The following BCO1 variants were observed in gnomAD, a reference collection of about 807,000 sequenced individuals.
BCO1 encodes the protein beta-carotene oxygenase 1.
Under a neutral mutation model 56.3 loss-of-function variants are expected in BCO1, and 54 were observed. That is an observed-to-expected ratio of 0.96 (90% CI 0.77 to 1.20). The LOEUF (loss-of-function observed/expected upper bound fraction) is 1.20, where lower values mean the gene tolerates loss of function less well. BCO1 is among the 50% of genes most tolerant of loss of function. The pLI, the probability that BCO1 is intolerant of heterozygous loss-of-function variation, is 0.00. For missense variants in BCO1, 801 were observed against 690.9 expected, an observed-to-expected ratio of 1.16 and a Z score of -1.79; for synonymous variants, 318 against 266.1, an observed-to-expected ratio of 1.20 and a Z score of -1.90.
chr16:81,245,478 A>C lies in BCO1; in HGVS notation c.68A>C (p.Lys23Thr). The change falls in exon 2 of 11, where the codon AAG becomes ACG. Residue 23 changes from lysine (K) to threonine (T), a missense_variant. Coordinates refer to ENST00000258168, the MANE Select transcript of BCO1 (RefSeq NM_017429.3). Reference sequence around the variant, plus strand: ...TAAACATTCTCTCTTTTCTCAGGCAAGATTCCAGCATGGCTGCAGGGAACC... The same window carrying C: ...TAAACATTCTCTCTTTTCTCAGGCACGATTCCAGCATGGCTGCAGGGAACC... Reference protein sequence around the residue: ...LEPVRAKVTGKIPAWLQGTLL... With the variant: ...LEPVRAKVTGTIPAWLQGTLL... The C allele has an allele frequency of 6.2e-7, 1 of 1,614,240 alleles. No individual in the cohort carries two copies. Among genetic ancestry groups the C allele is most frequent in the South Asian group, 1.1e-5 (1 of 91,088 alleles).
At chr16:81,259,904 T>G in intron 3 of BCO1, 99 bp downstream of exon 3, 1 of 1,498,870 alleles carries the variant, frequency 6.7e-7, no homozygotes, top group Non-Finnish European at 9.3e-7. Flanking sequence ...CTCTTTAGGG[T>G]AGATGAAAAC....
At position 81,268,095 on chromosome 16, in the gene BCO1, C is replaced by G; in HGVS notation, c.807C>G (p.Ser269Arg). ...KMATAYIRRMSWASCLAFHRE... is the reference protein window; with the variant it reads ...KMATAYIRRMRWASCLAFHRE... The stretch of plus-strand genomic sequence containing the variant: ...CAACCGCATACATCCGGAGAATGAG[C>G]TGGGCCTCCTGCCTGGCTTTCCACA... The change falls in exon 6 of 11, where the codon AGC becomes AGG. Residue 269 changes from serine (S) to arginine (R), a missense_variant. Ser to Arg is a moderately radical substitution (Grantham distance 110). Transcript: ENST00000258168. 1 of 1,611,244 alleles carries G rather than the reference C, an allele frequency of 6.2e-7. No homozygotes were observed.
Position 81,270,400 on chromosome 16 carries a change from C to A in BCO1, c.1085C>A (p.Pro362His). The change falls in exon 7 of 11, where the codon CCC becomes CAC. Residue 362 changes from proline to histidine, a missense_variant. Physicochemically the swap from Pro to His is moderately conservative, Grantham distance 77 (BLOSUM62 -2). Transcript: ENST00000258168. Reference protein sequence around the residue: ...SVPTLRRFAVPLHVDKNAEVG... With the variant: ...SVPTLRRFAVHLHVDKNAEVG... ...CCCACCCTCAGGAGGTTTGCCGTGC[C>A]CCTCCACGTGGACAAGGTAATGGCT... 6.2e-7 allele frequency: 1 copy of A among 1,614,050 alleles called. No individual in the cohort carries two copies. The highest frequency in any genetic ancestry group is 8.5e-7 in the Non-Finnish European group (1 of 1,180,024).
intron 2 of BCO1, among the ~76,000 whole-genome samples, chr16:81,250,778 G>T (rs897641829): frequency 6.6e-6 from 1 of 151,786 alleles, no homozygotes; most frequent in Non-Finnish European, 1.5e-5. Flanking sequence ...ATAGGGTCTC[G>T]CCATGTTGGC....
intron 7 of BCO1, among the ~76,000 whole-genome samples, chr16:81,270,719 T>TGTGTGTGTGTGTGA (rs1567458013): frequency 1.3e-5 from 2 of 151,608 alleles, no homozygotes; most frequent in Non-Finnish European, 2.9e-5. Flanking sequence ...TGTGTGTGTG[T>TGTGTGTGTGTGTGA]GAATCTTCAT....
rs1906930275 is a variant in BCO1, at chr16:81,267,925, A to G, written c.637A>G (p.Lys213Glu). The change falls in exon 6 of 11, where the codon AAG becomes GAG. Residue 213 changes from lysine (K) to glutamate (E), a missense_variant. Transcript: ENST00000258168. ...CTTGCTAGAGGGCAAGAAGCAGGGGAAGAGCCCCTGGAAGCACACAGAGGT... is the reference window on the plus strand; with the variant it reads ...CTTGCTAGAGGGCAAGAAGCAGGGGGAGAGCCCCTGGAAGCACACAGAGGT... Reference protein sequence around the residue: ...ATVPEGKKQGKSPWKHTEVFC... With the variant: ...ATVPEGKKQGESPWKHTEVFC... The G allele has an allele frequency of 1.2e-6, 2 of 1,613,610 alleles. No homozygotes were observed. The highest frequency in any genetic ancestry group is 8.5e-7 in the Non-Finnish European group (1 of 1,179,918).
intron 10 of BCO1, 136 bp from the exon 11 acceptor site, chr16:81,290,212 C>G: frequency 2.5e-6 from 2 of 796,652 alleles, no homozygotes. Flanking sequence ...CCTTCTGTTA[C>G]AGTGTCTCAA....
At chr16:81,273,086 C>A (rs560273125) in intron 7 of BCO1, among the ~76,000 whole-genome samples, 2 of 152,268 alleles carry the variant, frequency 1.3e-5, no homozygotes, top group African/African-American at 2.4e-5. Context: ...TCTCCTGTCT[C>A]AGTTTCCCAA....
intron 7 of BCO1, among the ~76,000 whole-genome samples, chr16:81,270,686 C>CTGTGTGTGTGTG (rs762227797): frequency 6.8e-4 from 20 of 29,566 alleles, no homozygotes; most frequent in Non-Finnish European, 1.3e-3. Context: ...GTCTCTCTCT[C>CTGTGTGTGTGTG]TGTGTCTGTG....
At chr16:81,277,993 A>G (rs1907655479) in intron 7 of BCO1, among the ~76,000 whole-genome samples, 1 of 152,140 alleles carries the variant, frequency 6.6e-6, no homozygotes, top group African/African-American at 2.4e-5. Context: ...AGGGCCTCCC[A>G]CCAGCTTGCA....
intron 2 of BCO1, among the ~76,000 whole-genome samples, chr16:81,258,048 G>C (rs139869079): frequency 3.9e-5 from 6 of 152,244 alleles, no homozygotes; most frequent in Non-Finnish European, 8.8e-5. Flanking sequence ...AGGGGTCACA[G>C]TGACGCAGCC....
At chr16:81,277,137 G>A (rs142594670) in intron 7 of BCO1, among the ~76,000 whole-genome samples, 77 of 151,766 alleles carry the variant, frequency 5.1e-4, no homozygotes, top group Admixed American at 9.2e-4. Context: ...AGCGATTGCC[G>A]TTTGGGACAG....
rs1423696653 is a variant in BCO1 at position 81,267,942 on chromosome 16, C to T, written c.654C>T (p.His218=). The T allele has an allele frequency of 6.2e-6, 10 of 1,613,984 alleles. No homozygotes were observed. Among genetic ancestry groups the T allele is most frequent in the Non-Finnish European group, 8.5e-6 (10 of 1,180,018 alleles). Residue 218 remains histidine, a synonymous_variant, in exon 6 of 11, where the codon CAC becomes CAT. Coordinates refer to ENST00000258168, the MANE Select transcript of BCO1 (RefSeq NM_017429.3). The part of the protein sequence containing the change: ...GKKQGKSPWK[H]TEVFCSIPSR... ...AGCAGGGGAAGAGCCCCTGGAAGCA[C>T]ACAGAGGTGTTCTGCTCCATCCCAT...
intron 8 of BCO1, among the ~76,000 whole-genome samples, chr16:81,281,874 C>T (rs1907902895): frequency 6.6e-6 from 1 of 152,250 alleles, no homozygotes; most frequent in African/African-American, 2.4e-5. Context: ...ACATTGCCAG[C>T]ATCTCATGGG....
chr16:81,269,255 CTG>C (rs1258712252), intron 6 of BCO1, among the ~76,000 whole-genome samples: 1 of 151,120 alleles, frequency 6.6e-6, no homozygotes, highest in Non-Finnish European at 1.5e-5. Context: ...CCCACTGACA[CTG>C]TGTTACTCCA....
intron 7 of BCO1, among the ~76,000 whole-genome samples, chr16:81,273,034 ATC>A (rs1294152858): frequency 6.6e-6 from 1 of 151,954 alleles, no homozygotes; most frequent in African/African-American, 2.4e-5. Flanking sequence ...CAGTGGTTTA[ATC>A]TCGGCTCACT....
intron 8 of BCO1, among the ~76,000 whole-genome samples, chr16:81,283,326 A>G (rs1244407951): frequency 6.6e-6 from 1 of 152,026 alleles, no homozygotes; most frequent in Non-Finnish European, 1.5e-5. Context: ...GGCATTACTC[A>G]TGCCTGTAAT....
At chr16:81,252,492 G>T (rs1905869452) in intron 2 of BCO1, among the ~76,000 whole-genome samples, 1 of 152,120 alleles carries the variant, frequency 6.6e-6, no homozygotes, top group South Asian at 2.1e-4. Context: ...CTGACCTCAG[G>T]TGATCCACCT....
intron 3 of BCO1, among the ~76,000 whole-genome samples, chr16:81,261,067 C>A (rs898623329): frequency 7.2e-5 from 11 of 152,174 alleles, no homozygotes; most frequent in Non-Finnish European, 1.0e-4. Flanking sequence ...GCACTGAATT[C>A]ACATTTGCAA....
Sources: allele counts gnomAD v4.1 joint callset (sites outside exome capture counted in the v4.1 genomes callset), GRCh38; gene constraint gnomAD v4.1.1; transcripts MANE v1.5; gene names NCBI Gene and HGNC (gene_info 2026-07-23, HGNC 2026-07-21).